Variants in CHN2 observed in about 807,000 individuals in gnomAD.
The protein encoded by CHN2 is chimerin 2.
CHN2 carries 35 observed loss-of-function variants against 56.3 expected under a neutral mutation model. The observed-to-expected ratio is 0.62, with a 90% CI of 0.47 to 0.82. The LOEUF is 0.82. Ranked by LOEUF, CHN2 falls within the 40% of genes least tolerant of loss-of-function variation. The pLI is 0.00. For missense variants in CHN2, 491 were observed against 580.5 expected (o/e 0.85, Z 1.58); for synonymous variants, 210 against 212.8 (o/e 0.99, Z 0.12).
At chr7:29,323,864 C>T (rs1372479813) in intron 1 of CHN2, among the ~76,000 whole-genome samples, 3 of 151,648 alleles carry the variant, frequency 2.0e-5, no homozygotes, top group African/African-American at 7.3e-5. Flanking sequence ...AATAGCCGGG[C>T]GTGGTGGCAG....
At chr7:29,375,570 T>C (rs1302767154) in intron 3 of CHN2, among the ~76,000 whole-genome samples, 1 of 152,222 alleles carries the variant, frequency 6.6e-6, no homozygotes, top group Non-Finnish European at 1.5e-5. Context: ...TATGTGGTAT[T>C]GTTCATTGTT....
At chr7:29,420,898 C>T (rs1359645260) in intron 6 of CHN2, among the ~76,000 whole-genome samples, 1 of 151,766 alleles carries the variant, frequency 6.6e-6, no homozygotes, top group Non-Finnish European at 1.5e-5. Flanking sequence ...CAACCCCTGC[C>T]CCCCAGGTTC....
chr7:29,179,141 C>T (rs1211382727), intron 2 of CHN2, among the ~76,000 whole-genome samples: 1 of 152,178 alleles, frequency 6.6e-6, no homozygotes, highest in East Asian at 1.9e-4. Context: ...AACAGCCCCT[C>T]CATTTTCTTT....
At chr7:29,482,058 TC>T (rs1787309174) in intron 7 of CHN2, among the ~76,000 whole-genome samples, 1 of 152,184 alleles carries the variant, frequency 6.6e-6, no homozygotes, top group African/African-American at 2.4e-5. Context: ...GATAATTAAA[TC>T]TTATTTTTTA....
rs533625905 is a variant in CHN2 at position 29,413,209 on chromosome 7, A to G, written c.576+12381A>G. Among the ~76,000 whole-genome samples, 67 of 152,356 alleles carry G rather than the reference A, an allele frequency of 4.4e-4. 1 individual carries two copies. The Middle Eastern group carries it at 0.014, about 31-fold the overall frequency. Reference sequence around the variant, plus strand: ...TTTATGAACTTAATGAAGTCCAAGTATCAGAAGAGAAAGTTAAAGTTTACA... The same window carrying G: ...TTTATGAACTTAATGAAGTCCAAGTGTCAGAAGAGAAAGTTAAAGTTTACA... On this transcript the variant is annotated intron_variant, in intron 6 of 12. Transcript: ENST00000222792.
intron 1 of CHN2, among the ~76,000 whole-genome samples, chr7:29,240,136 C>A (rs1787537094): frequency 6.6e-6 from 1 of 152,156 alleles, no homozygotes; most frequent in African/African-American, 2.4e-5. Flanking sequence ...ATTGAGGTAT[C>A]CACCTTGGGC....
intron 6 of CHN2, among the ~76,000 whole-genome samples, chr7:29,430,620 C>T (rs948136045): frequency 6.6e-6 from 1 of 152,050 alleles, no homozygotes; most frequent in Admixed American, 6.6e-5. Flanking sequence ...GTAGTTTACA[C>T]ATCAAAAAGT....
At chr7:29,175,189 T>A (rs968503390) in intron 2 of CHN2, among the ~76,000 whole-genome samples, 15 of 151,840 alleles carry the variant, frequency 9.9e-5, no homozygotes, top group Non-Finnish European at 2.1e-4. Context: ...CTTTTTTTTT[T>A]TTTGAGACGG....
At chr7:29,414,754 CAA>C (rs1432366959) in intron 6 of CHN2, among the ~76,000 whole-genome samples, 1 of 152,182 alleles carries the variant, frequency 6.6e-6, no homozygotes, top group African/African-American at 2.4e-5. Context: ...CAGAGCAATT[CAA>C]GTTTTCTGAG....
At chr7:29,249,968 G>A (rs560528401) in intron 1 of CHN2, among the ~76,000 whole-genome samples, 2 of 152,152 alleles carry the variant, frequency 1.3e-5, no homozygotes, top group African/African-American at 4.8e-5. Context: ...CTACTCTCTT[G>A]CCTGGTGAAG....
At chr7:29,304,551 A>G (rs3812336) in intron 1 of CHN2, among the ~76,000 whole-genome samples, 91,767 of 152,092 alleles carry the variant, frequency 0.6, 28,875 homozygotes, top group Non-Finnish European at 0.69. Context: ...ATATAACACT[A>G]TGTTAAATGG....
At chr7:29,171,614 C>G (rs1392758033) in intron 2 of CHN2, among the ~76,000 whole-genome samples, 1 of 152,114 alleles carries the variant, frequency 6.6e-6, no homozygotes, top group Non-Finnish European at 1.5e-5. Flanking sequence ...CCTTAAGGGG[C>G]ACTATTAAAT....
intron 1 of CHN2, among the ~76,000 whole-genome samples, chr7:29,302,288 T>C (rs1051538652): frequency 2.0e-5 from 3 of 151,400 alleles, no homozygotes; most frequent in African/African-American, 7.3e-5. Context: ...CCTCTTCTTC[T>C]TCCTCCTCTT....
intron 3 of CHN2, among the ~76,000 whole-genome samples, chr7:29,384,746 C>A (rs578031014): frequency 2.6e-5 from 4 of 152,204 alleles, no homozygotes; most frequent in South Asian, 4.1e-4. Flanking sequence ...ATGTAATGAA[C>A]CCTGAGAAAA....
At chr7:29,288,651 G>A (rs1344180143) in intron 1 of CHN2, among the ~76,000 whole-genome samples, 1 of 152,142 alleles carries the variant, frequency 6.6e-6, no homozygotes, top group Non-Finnish European at 1.5e-5. Context: ...TTAATTAGCA[G>A]GGAGCACACA....
chr7:29,408,002 A>G (rs897422703), intron 6 of CHN2, among the ~76,000 whole-genome samples: 3 of 152,046 alleles, frequency 2.0e-5, no homozygotes, highest in Non-Finnish European at 2.9e-5. Flanking sequence ...AGCCTGGCCA[A>G]CATGGTGAAA....
At chr7:29,234,653 T>A (rs1787041214) in intron 1 of CHN2, among the ~76,000 whole-genome samples, 1 of 152,234 alleles carries the variant, frequency 6.6e-6, no homozygotes, top group Non-Finnish European at 1.5e-5. Context: ...CTGTACCCCT[T>A]GTTGTTCAGT....
At chr7:29,183,771 T>C (rs989624672) in intron 2 of CHN2, among the ~76,000 whole-genome samples, 1 of 152,202 alleles carries the variant, frequency 6.6e-6, no homozygotes, top group Non-Finnish European at 1.5e-5. Flanking sequence ...ATATATGATA[T>C]ATGTAGATTA....
At chr7:29,458,782 G>A (rs1460378438) in intron 6 of CHN2, among the ~76,000 whole-genome samples, 1 of 152,144 alleles carries the variant, frequency 6.6e-6, no homozygotes, top group Non-Finnish European at 1.5e-5. Flanking sequence ...CATTCTCTTG[G>A]CTATGTAAAA....
Sources: allele counts gnomAD v4.1 joint callset (sites outside exome capture counted in the v4.1 genomes callset), GRCh38; gene constraint gnomAD v4.1.1; transcripts MANE v1.5; gene names NCBI Gene and HGNC (gene_info 2026-07-23, HGNC 2026-07-21).